IGF2BP2: variants seen among roughly 807,000 people sequenced by gnomAD.
IGF2BP2 encodes the protein insulin like growth factor 2 mRNA binding protein 2.
In IGF2BP2, 17 loss-of-function variants were observed where a neutral mutation model predicts 75.8. The ratio of observed to expected loss-of-function variants is 0.22; its 90% CI spans 0.15 to 0.34. The LOEUF (loss-of-function observed/expected upper bound fraction) is 0.34. Ranked by LOEUF, IGF2BP2 falls within the 10% of genes least tolerant of loss-of-function variation. IGF2BP2 has a pLI of 1.00. For synonymous variants in IGF2BP2, 288 were observed against 295.6 expected, an observed-to-expected ratio of 0.97 and a Z score of 0.26; for missense variants, 516 against 772.4, an observed-to-expected ratio of 0.67 and a Z score of 3.93.
chr3:185,698,328 G>T lies in IGF2BP2; in HGVS notation c.259C>A (p.Arg87=). The T allele has an allele frequency of 6.2e-7, 1 of 1,613,980 alleles. No individual in the cohort carries two copies. The highest frequency in any genetic ancestry group is 8.5e-7 in the Non-Finnish European group (1 of 1,179,938). Reference sequence around the variant, plus strand: ...CACTGCAGGTGAGGAGGGATGTTTCGAATCTGAATTTTCCTGCTCCTGTAA... The same window carrying T: ...CACTGCAGGTGAGGAGGGATGTTTCTAATCTGAATTTTCCTGCTCCTGTAA... ...KKLRSRKIQI[R]NIPPHLQWEV... Residue 87 remains arginine, a synonymous_variant, in exon 3 of 16, where the codon CGA becomes AGA. Coordinates refer to ENST00000382199, the MANE Select transcript of IGF2BP2 (RefSeq NM_006548.6).
chr3:185,662,387 G>A (rs552197928), intron 10 of IGF2BP2, among the ~76,000 whole-genome samples: 8 of 151,366 alleles, frequency 5.3e-5, no homozygotes, highest in South Asian at 2.1e-4. Context: ...CTGAGGCAGG[G>A]GAACTGCTTG....
At chr3:185,773,086 GCACGTGA>G (rs1476230054) in intron 2 of IGF2BP2, among the ~76,000 whole-genome samples, 4 of 152,184 alleles carry the variant, frequency 2.6e-5, no homozygotes, top group African/African-American at 9.7e-5. Context: ...GAGCAGCAAA[GCACGTGA>G]CTGCTACCCA....
chr3:185,706,497 G>C (rs1301717640), intron 2 of IGF2BP2, among the ~76,000 whole-genome samples: 2 of 152,180 alleles, frequency 1.3e-5, no homozygotes, highest in Non-Finnish European at 2.9e-5. Context: ...GAGAAGACTG[G>C]TTTGACGGTT....
At chr3:185,722,494 T>C (rs1726720182) in intron 2 of IGF2BP2, 1 of 294,736 alleles carries the variant, frequency 3.4e-6, no homozygotes, top group Non-Finnish European at 6.6e-6. Flanking sequence ...CAATTTTATG[T>C]CATTTTGTGC....
At chr3:185,778,320 T>C (rs1340312277) in intron 2 of IGF2BP2, among the ~76,000 whole-genome samples, 2 of 152,216 alleles carry the variant, frequency 1.3e-5, no homozygotes, top group East Asian at 3.9e-4. Flanking sequence ...ACCTAATGTG[T>C]GCAACTTTAG....
chr3:185,777,486 G>C (rs1324130245), intron 2 of IGF2BP2, among the ~76,000 whole-genome samples: 14 of 151,828 alleles, frequency 9.2e-5, no homozygotes, highest in Admixed American at 8.5e-4. Context: ...GCAAGACCCT[G>C]TCTCAAAAAA....
intron 2 of IGF2BP2, among the ~76,000 whole-genome samples, chr3:185,808,983 T>C (rs979389927): frequency 2.0e-5 from 3 of 152,236 alleles, no homozygotes; most frequent in Non-Finnish European, 4.4e-5. Flanking sequence ...TGTCTGGTTT[T>C]TTCACAGTAA....
chr3:185,658,492 G>A (rs1715843361), intron 10 of IGF2BP2, 83 bp from the exon 11 acceptor site: 10 of 1,136,542 alleles, frequency 8.8e-6, no homozygotes, highest in Middle Eastern at 2.0e-4. Context: ...CCCAACATGC[G>A]ACACAGGCTC....
At chr3:185,712,309 T>C (rs1724922508) in intron 2 of IGF2BP2, among the ~76,000 whole-genome samples, 1 of 152,228 alleles carries the variant, frequency 6.6e-6, no homozygotes, top group Non-Finnish European at 1.5e-5. Flanking sequence ...AACATTTTTA[T>C]TTACTAGTGT....
At chr3:185,750,065 T>G (rs1372636179) in intron 2 of IGF2BP2, among the ~76,000 whole-genome samples, 1 of 152,188 alleles carries the variant, frequency 6.6e-6, no homozygotes, top group African/African-American at 2.4e-5. Flanking sequence ...AACAAGCAAG[T>G]TGCAGGAACC....
intron 7 of IGF2BP2, among the ~76,000 whole-genome samples, chr3:185,680,133 T>C (rs1473906242): frequency 6.6e-6 from 1 of 152,022 alleles, no homozygotes; most frequent in East Asian, 1.9e-4. Flanking sequence ...TTACTACCAA[T>C]ACGACAGAGA....
intron 6 of IGF2BP2, 68 bp from the exon 7 acceptor site, chr3:185,687,259 G>A (rs960222788): frequency 4.4e-5 from 66 of 1,494,604 alleles, no homozygotes; most frequent in Non-Finnish European, 5.3e-5. Flanking sequence ...CCAAGAAAGC[G>A]TCACACCAAC....
intron 15 of IGF2BP2, among the ~76,000 whole-genome samples, chr3:185,646,411 CTGTT>C (rs1053291067): frequency 4.6e-5 from 7 of 152,216 alleles, no homozygotes; most frequent in African/African-American, 1.7e-4. Flanking sequence ...ACCAAGTACA[CTGTT>C]TGTCTTCACT....
At chr3:185,742,831 C>T (rs929608108) in intron 2 of IGF2BP2, among the ~76,000 whole-genome samples, 55 of 152,100 alleles carry the variant, frequency 3.6e-4, no homozygotes, top group African/African-American at 9.9e-4. Flanking sequence ...CCAGGCACAG[C>T]GGCTCATGCC....
At chr3:185,755,888 G>C (rs1156862090) in intron 2 of IGF2BP2, among the ~76,000 whole-genome samples, 2 of 152,122 alleles carry the variant, frequency 1.3e-5, no homozygotes, top group Non-Finnish European at 1.5e-5. Flanking sequence ...ATGAGATTTC[G>C]GACTTTGAGT....
intron 2 of IGF2BP2, among the ~76,000 whole-genome samples, chr3:185,784,052 TG>T (rs1414933149): frequency 6.6e-6 from 1 of 152,090 alleles, no homozygotes; most frequent in African/African-American, 2.4e-5. Flanking sequence ...CTAGCCAACA[TG>T]GTGAACTTCG....
chr3:185,691,925 G>T (rs1456967894), intron 5 of IGF2BP2, among the ~76,000 whole-genome samples: 2 of 152,058 alleles, frequency 1.3e-5, no homozygotes, highest in African/African-American at 4.8e-5. Context: ...TTTTTGTAGA[G>T]ACTGGGTCTC....
chr3:185,663,332 C>T (rs1037729293), intron 10 of IGF2BP2, among the ~76,000 whole-genome samples: 2 of 152,236 alleles, frequency 1.3e-5, no homozygotes, highest in African/African-American at 2.4e-5. Context: ...TGTGTCCTCA[C>T]TCCCTCACCT....
intron 2 of IGF2BP2, among the ~76,000 whole-genome samples, chr3:185,820,063 A>C (rs74994159): frequency 0.013 from 1,912 of 152,152 alleles, 24 homozygotes; most frequent in Non-Finnish European, 0.017. Context: ...CAGTGAAAGA[A>C]TGTCTAGAAC....
Sources: gnomAD v4.1 joint callset for allele counts (sites outside exome capture counted in the v4.1 genomes callset) on GRCh38, gnomAD v4.1.1 for gene constraint, MANE v1.5 for transcripts, NCBI Gene and HGNC (gene_info 2026-07-23, HGNC 2026-07-21) for gene names.